The following FREM1 variants were observed in gnomAD, a reference collection of about 807,000 sequenced individuals.
FREM1 encodes the protein FRAS1 related extracellular matrix 1.
FREM1 carries 220 observed loss-of-function variants against 210.1 expected under a neutral mutation model. That is an observed-to-expected ratio of 1.05 (90% CI 0.94 to 1.17). The LOEUF is 1.17. Among genes scored for constraint, FREM1 ranks in the 50% most tolerant of loss-of-function variants. FREM1 has a pLI of 0.00. For missense variants in FREM1, 3,454 were observed against 2,675.5 expected (o/e 1.29, Z -6.42); for synonymous variants, 1,189 against 980.2 (o/e 1.21, Z -3.98).
At chr9:14,802,686 T>G (rs1817508161) in intron 19 of FREM1, among the ~76,000 whole-genome samples, 1 of 152,232 alleles carries the variant, frequency 6.6e-6, no homozygotes, top group South Asian at 2.1e-4. Flanking sequence ...GTATTTCTGT[T>G]GCCCATTTTG....
intron 6 of FREM1, chr9:14,850,622 A>G (rs1447012359): frequency 6.6e-6 from 1 of 152,212 alleles, no homozygotes; most frequent in Non-Finnish European, 1.5e-5. Flanking sequence ...TGCTGGGCTT[A>G]CTACCTGGGT....
chr9:14,796,403 T>C (rs1852397350), intron 21 of FREM1, among the ~76,000 whole-genome samples: 2 of 152,208 alleles, frequency 1.3e-5, no homozygotes, highest in Non-Finnish European at 2.9e-5. Context: ...TCTGTTCAGT[T>C]CTGTAGACTG....
intron 10 of FREM1, among the ~76,000 whole-genome samples, chr9:14,839,002 G>A (rs1410890232): frequency 1.3e-5 from 2 of 152,150 alleles, no homozygotes; most frequent in African/African-American, 2.4e-5. Flanking sequence ...CCAGAAGAGG[G>A]AGAATGGGAA....
chr9:14,891,190 C>T (rs572542194), intron 1 of FREM1, among the ~76,000 whole-genome samples: 2 of 152,144 alleles, frequency 1.3e-5, no homozygotes, highest in Non-Finnish European at 2.9e-5. Flanking sequence ...TGTTTAAATT[C>T]GTATTAAATC....
At chr9:14,781,483 G>T (rs1485515392) in intron 24 of FREM1, among the ~76,000 whole-genome samples, 1 of 152,072 alleles carries the variant, frequency 6.6e-6, no homozygotes, top group Non-Finnish European at 1.5e-5. Context: ...TTTTTAACTT[G>T]AATCAATGTA....
Position 14,769,790 on chromosome 9 carries a change from T to A in FREM1, c.5138A>T (p.Glu1713Val), listed in dbSNP as rs1847192579. 1.2e-6 allele frequency: 2 copies of A among 1,610,594 alleles called. No individual in the cohort carries two copies. Among genetic ancestry groups the A allele is most frequent in the Middle Eastern group, 1.7e-4 (1 of 6,050 alleles). Residue 1713 changes from glutamate to valine, a missense_variant, in exon 27 of 37, where the codon GAA becomes GTA. Coordinates refer to ENST00000380880, the MANE Select transcript of FREM1 (RefSeq NM_001379081.2). ...AAATTCCACGGTATCTGAATTTACT[T>A]CCAAAGATGGGTTTATGATGTAAAG... Reference protein sequence around the residue: ...TILYIINPSLEVNSDTVEFQI... With the variant: ...TILYIINPSLVVNSDTVEFQI...
At chr9:14,873,645 G>C (rs1384585882) in intron 1 of FREM1, among the ~76,000 whole-genome samples, 2 of 152,030 alleles carry the variant, frequency 1.3e-5, no homozygotes, top group African/African-American at 2.4e-5. Flanking sequence ...TTTTTTGAAG[G>C]GTTTTTTGTG....
intron 13 of FREM1, among the ~76,000 whole-genome samples, chr9:14,819,914 G>C (rs893741750): frequency 6.6e-6 from 1 of 152,198 alleles, no homozygotes; most frequent in South Asian, 2.1e-4. Flanking sequence ...AAATGGATTG[G>C]AGCTTTAGAA....
intron 1 of FREM1, among the ~76,000 whole-genome samples, chr9:14,890,574 G>A (rs536889273): frequency 6.6e-5 from 10 of 152,146 alleles, no homozygotes; most frequent in African/African-American, 1.7e-4. Context: ...AAAACAAAAC[G>A]GGTTCTTTGA....
At chr9:14,748,947 C>G (rs1401043960) in intron 30 of FREM1, among the ~76,000 whole-genome samples, 1 of 152,178 alleles carries the variant, frequency 6.6e-6, no homozygotes, top group African/African-American at 2.4e-5. Context: ...TCTCACTTCT[C>G]TTATTATAGT....
At position 14,819,331 on chromosome 9, in the gene FREM1, G is replaced by A. The variant is rs563740380; in HGVS notation, c.2449C>T (p.Arg817Trp). The A allele has an allele frequency of 6.0e-5, 97 of 1,613,626 alleles. No homozygotes were observed. The highest frequency in any genetic ancestry group is 2.7e-4 in the African/African-American group (20 of 75,038). ...TKLDNIDLSL[R>W]ELPLHGRVEL... Reference sequence around the variant, plus strand: ...ACCCTTCCGTGCAGAGGCAATTCCCGCAGGGAGAGGTCAATATTGTCCAGC... The same window carrying A: ...ACCCTTCCGTGCAGAGGCAATTCCCACAGGGAGAGGTCAATATTGTCCAGC... Residue 817 changes from arginine (R) to tryptophan (W), a missense_variant, in exon 14 of 37, where the codon CGG becomes TGG. Arg to Trp is a moderately radical substitution (Grantham distance 101, BLOSUM62 -3). Coordinates refer to ENST00000380880, the MANE Select transcript of FREM1 (RefSeq NM_001379081.2).
chr9:14,855,765 G>A (rs1054492946), intron 5 of FREM1, among the ~76,000 whole-genome samples: 2 of 151,532 alleles, frequency 1.3e-5, no homozygotes, highest in Non-Finnish European at 2.9e-5. Context: ...AAGCAAGAAG[G>A]TAAAGGGATA....
At chr9:14,834,911 TC>T (rs147894862) in intron 10 of FREM1, among the ~76,000 whole-genome samples, 19,840 of 152,026 alleles carry the variant, frequency 0.13, 1,748 homozygotes, top group East Asian at 0.39. Context: ...ACTGTAACTA[TC>T]CTGGGAATGT....
intron 7 of FREM1, 73 bp downstream of exon 7, chr9:14,848,592 T>C (rs1397071058): frequency 3.7e-6 from 3 of 808,846 alleles, no homozygotes; most frequent in Non-Finnish European, 6.0e-6. Context: ...AAACTACCTT[T>C]CTTTCCTGAC....
chr9:14,791,739 T>C (rs1308875356), intron 22 of FREM1, among the ~76,000 whole-genome samples: 2 of 152,158 alleles, frequency 1.3e-5, no homozygotes, highest in Non-Finnish European at 2.9e-5. Flanking sequence ...GCGACAAAGA[T>C]GAGAATTGGA....
intron 1 of FREM1, among the ~76,000 whole-genome samples, chr9:14,875,166 G>A (rs1226820667): frequency 6.6e-6 from 1 of 152,158 alleles, no homozygotes; most frequent in Non-Finnish European, 1.5e-5. Flanking sequence ...TCTTCTCGAG[G>A]AGTATCTTTG....
chr9:14,792,768 G>C lies in FREM1; in HGVS notation c.3956C>G (p.Pro1319Arg), dbSNP rs1256065908. Residue 1319 changes from proline to arginine, a missense_variant, in exon 22 of 37, where the codon CCC becomes CGC. Pro to Arg is a moderately radical substitution (Grantham distance 103). Coordinates refer to ENST00000380880, the MANE Select transcript of FREM1 (RefSeq NM_001379081.2). ...EKIYYVFERL[P>R]QNGQLQLKIG... Reference sequence around the variant, plus strand: ...CTTAAGCTGAAGTTGCCCATTTTGGGGAAGCCTTTCAAATACATAGTAAAT... The same window carrying C: ...CTTAAGCTGAAGTTGCCCATTTTGGCGAAGCCTTTCAAATACATAGTAAAT... 1 of 1,599,422 alleles carries C rather than the reference G, an allele frequency of 6.3e-7. No individual in the cohort carries two copies. The highest frequency in any genetic ancestry group is 8.5e-7 in the Non-Finnish European group (1 of 1,175,000).
At position 14,824,127 on chromosome 9, in the gene FREM1, T is replaced by C. The variant is rs1220563519; in HGVS notation, c.2079-12A>G. ...CAGCATCCAAGTGTCTAAAGAGAAA[T>C]ACAGAGGAGCACATCAGCTCATTTT... On this transcript the variant is annotated splice_polypyrimidine_tract_variant and intron_variant, in intron 11 of 36. Coordinates refer to ENST00000380880, the MANE Select transcript of FREM1 (RefSeq NM_001379081.2). The C allele has an allele frequency of 6.6e-7, 1 of 1,514,808 alleles. No homozygotes were observed. Among genetic ancestry groups the C allele is most frequent in the East Asian group, 2.3e-5 (1 of 42,560 alleles). 93.8% of individuals were successfully genotyped at this position (1,514,808 alleles called of 1,614,324 possible).
intron 10 of FREM1, among the ~76,000 whole-genome samples, chr9:14,828,646 G>A (rs912004564): frequency 6.8e-6 from 1 of 147,072 alleles, no homozygotes; most frequent in Non-Finnish European, 1.5e-5. Flanking sequence ...GGCGGGGCGG[G>A]GGAGGTGCCG....
Sources: gnomAD v4.1 joint callset for allele counts (sites outside exome capture counted in the v4.1 genomes callset) on GRCh38, gnomAD v4.1.1 for gene constraint, MANE v1.5 for transcripts, NCBI Gene and HGNC (gene_info 2026-07-23, HGNC 2026-07-21) for gene names.